The following TOP3B variants were observed in gnomAD, a reference collection of about 807,000 sequenced individuals.
TOP3B encodes the protein DNA topoisomerase III beta.
Under a neutral mutation model 93.9 loss-of-function variants are expected in TOP3B, and 45 were observed. The observed-to-expected ratio is 0.48, with a 90% CI of 0.38 to 0.61. TOP3B has a LOEUF of 0.61. TOP3B is among the 20% of genes least tolerant of loss of function. The pLI, the probability that TOP3B is intolerant of heterozygous loss-of-function variation, is 0.00. For synonymous variants in TOP3B, 357 were observed against 472.6 expected (o/e 0.76, Z 3.17); for missense variants, 750 against 1,156.1 (o/e 0.65, Z 5.09).
In TOP3B at chr22:21,970,667, C is replaced by T; in HGVS notation, c.385-261G>A. 2 of 523,300 alleles carry T rather than the reference C, an allele frequency of 3.8e-6. No individual in the cohort carries two copies. Among genetic ancestry groups the T allele is most frequent in the Middle Eastern group, 5.2e-4 (1 of 1,936 alleles). 32.4% of individuals were successfully genotyped at this position (523,300 alleles called of 1,614,324 possible). A position where few individuals can be genotyped will look rare whatever the true frequency, so the allele number is the denominator to read the frequency against. ...TCCCATCTAGAAACATACTCGAACA[C>T]TCCCTTCTTACTCCCGCCCTCTCTT... On this transcript the variant is annotated intron_variant, in intron 5 of 17. Transcript: ENST00000357179. The surrounding 1 kb of genome is among the most constrained non-coding windows in gnomAD (Gnocchi z 4.4).
At chr22:21,959,885 G>A (rs1350443002) in intron 14 of TOP3B, 149 bp from the exon 15 acceptor site, 9 of 1,080,038 alleles carry the variant, frequency 8.3e-6, no homozygotes, top group Middle Eastern at 3.1e-4. Flanking sequence ...CACAGCCTCA[G>A]ATGGTACCAG....
At chr22:21,978,250 G>T (rs757531363) in intron 1 of TOP3B, among the ~76,000 whole-genome samples, 2 of 151,978 alleles carry the variant, frequency 1.3e-5, no homozygotes, top group Admixed American at 1.3e-4. Flanking sequence ...GGGAGGGGGA[G>T]GGGAAGGTGA....
intron 12 of TOP3B, 58 bp from the exon 13 acceptor site, chr22:21,962,660 C>T (rs979331107): frequency 3.5e-5 from 56 of 1,605,842 alleles, no homozygotes; most frequent in Non-Finnish European, 3.5e-5. Flanking sequence ...GGGCCTCAGA[C>T]CCTGGGCCTC....
Position 21,970,296 on chromosome 22 carries a change from G to A in TOP3B, c.495C>T (p.Ala165=), listed in dbSNP as rs1478118951. The A allele has an allele frequency of 6.2e-7, 1 of 1,614,098 alleles. No homozygotes were observed. Among genetic ancestry groups the A allele is most frequent in the Non-Finnish European group, 8.5e-7 (1 of 1,180,012 alleles). The change falls in exon 6 of 18, where the codon GCC becomes GCT. Residue 165 remains alanine, a synonymous_variant. Transcript: ENST00000357179. The surrounding 1 kb of genome is among the most constrained non-coding windows in gnomAD (Gnocchi z 4.4). ...CGTTGTGGTCAGGCTCGCCTAGGCA[G>A]GCCATGGCATTACAGATGTCTGTGT... ...ITDTDICNAM[A]CLGEPDHNEA...
At position 21,974,376 on chromosome 22, in the gene TOP3B, C is replaced by A. The variant is rs774744043; in HGVS notation, c.183G>T (p.Val61=). ...GCTTACCCAGGAAATCCAGGGTCAT[C>A]ACGTGACCACAGACAGACGTCATCT... The part of the protein sequence containing the change: ...RFKMTSVCGH[V]MTLDFLGKYN... The change falls in exon 3 of 18, where the codon GTG becomes GTT. Residue 61 remains valine, a synonymous_variant. Transcript: ENST00000357179. The A allele has an allele frequency of 6.2e-7, 1 of 1,614,098 alleles. No homozygotes were observed. Among genetic ancestry groups the A allele is most frequent in the Non-Finnish European group, 8.5e-7 (1 of 1,179,976 alleles).
chr22:21,959,031 G>T, intron 16 of TOP3B, 101 bp downstream of exon 16: 2 of 1,509,204 alleles, frequency 1.3e-6, no homozygotes, highest in South Asian at 1.2e-5. Flanking sequence ...TCATTCTTTT[G>T]TGACAACCAG....
intron 2 of TOP3B, chr22:21,975,424 T>A: frequency 2.1e-6 from 1 of 484,402 alleles, no homozygotes; most frequent in South Asian, 3.7e-5. Context: ...AATTTCATTG[T>A]AAATTGTGCC....
At position 21,970,761 on chromosome 22, in the gene TOP3B, T is replaced by TC. The variant is rs2071605232; in HGVS notation, c.385-356dup. On this transcript the variant is annotated intron_variant, in intron 5 of 17. Transcript: ENST00000357179. This position sits in a 1 kb window ranked among gnomAD's most constrained non-coding sequence, Gnocchi z 4.4. ...GCCAAGTACATGAGGGACCTCTTAGTCCCCAAACCCATCCCATGTGACACG... is the reference window on the plus strand; with the variant it reads ...GCCAAGTACATGAGGGACCTCTTAGTCCCCCAAACCCATCCCATGTGACACG... 1 of 308,386 alleles carries TC rather than the reference T, an allele frequency of 3.2e-6. No homozygotes were observed. Among genetic ancestry groups the TC allele is most frequent in the Non-Finnish European group, 6.4e-6 (1 of 157,382 alleles). 19.1% of individuals were successfully genotyped at this position (308,386 alleles called of 1,614,324 possible).
In TOP3B at chr22:21,959,124, G is replaced by C. The variant is rs775578536; in HGVS notation, c.1905+8C>G. ...CAGCTTGCCTGAGCTAGTGTTCCCT[G>C]CACCTACCTGGATGTACTTCATGAA... is the stretch of plus-strand genomic sequence containing the variant. On this transcript the variant is annotated splice_region_variant and intron_variant, in intron 16 of 17. Transcript: ENST00000357179. 6.2e-7 allele frequency: 1 copy of C among 1,613,600 alleles called. No individual in the cohort carries two copies. Among genetic ancestry groups the C allele is most frequent in the South Asian group, 1.1e-5 (1 of 91,090 alleles).
chr22:21,958,771 A>G, intron 16 of TOP3B, 78 bp from the exon 17 acceptor site: 1 of 1,475,464 alleles, frequency 6.8e-7, no homozygotes, highest in Non-Finnish European at 9.0e-7. Context: ...CTCTCATAAT[A>G]CAAAGTATGT....
rs778456161 is a variant in TOP3B, at chr22:21,970,163, G to A, written c.581+47C>T. 34 of 1,585,034 alleles carry A rather than the reference G, an allele frequency of 2.1e-5. 1 individual carries two copies. Among genetic ancestry groups the A allele is most frequent in the Non-Finnish European group, 2.9e-5 (34 of 1,168,572 alleles). ...GACCAGTAGAGGCAGGTCTCTGGCTGAGGGAGAGTGAGGGTGTGCCCAGGA... is the reference window on the plus strand; with the variant it reads ...GACCAGTAGAGGCAGGTCTCTGGCTAAGGGAGAGTGAGGGTGTGCCCAGGA... On this transcript the variant is annotated intron_variant, in intron 6 of 17. Transcript: ENST00000357179. The surrounding 1 kb of genome is among the most constrained non-coding windows in gnomAD (Gnocchi z 4.4).
intron 1 of TOP3B, among the ~76,000 whole-genome samples, chr22:21,978,013 AG>A (rs1426926794): frequency 6.6e-6 from 1 of 151,574 alleles, no homozygotes; most frequent in Non-Finnish European, 1.5e-5. Context: ...ATGGCTGGGC[AG>A]GGGGGCTCAT....
chr22:21,981,871 A>C (rs1331977453), intron 1 of TOP3B, among the ~76,000 whole-genome samples: 1 of 152,112 alleles, frequency 6.6e-6, no homozygotes, highest in African/African-American at 2.4e-5. Flanking sequence ...ATAGCATTAA[A>C]ATTCCTAGGA....
At chr22:21,969,630 A>G (rs2071552386) in intron 6 of TOP3B, 1 of 150,996 alleles carries the variant, frequency 6.6e-6, no homozygotes, top group South Asian at 2.1e-4. Flanking sequence ...AAATAAATAA[A>G]TTTTTGTTTA....
chr22:21,958,875 C>A, intron 16 of TOP3B, 182 bp from the exon 17 acceptor site: 1 of 1,155,702 alleles, frequency 8.7e-7, no homozygotes, highest in Non-Finnish European at 1.2e-6. Flanking sequence ...GTTCTAAAAT[C>A]TCTGTGTGTA....
rs140022803 is a variant in TOP3B, at chr22:21,960,424, A to G, written c.1551T>C (p.His517=). 1.9e-6 allele frequency: 3 copies of G among 1,613,414 alleles called. No individual in the cohort carries two copies. The highest frequency in any genetic ancestry group is 2.5e-6 in the Non-Finnish European group (3 of 1,179,960). The stretch of plus-strand genomic sequence containing the variant: ...AGTTGCGCTGGCAGATGTTGTTGAT[A>G]TGCACAGGGATGCTGGCATCCGTGC... The part of the protein sequence containing the change: ...GIGTDASIPV[H]INNICQRNYV... The change falls in exon 14 of 18, where the codon CAT becomes CAC. Residue 517 remains histidine (H), a synonymous_variant. Coordinates refer to ENST00000357179, the MANE Select transcript of TOP3B (RefSeq NM_001282112.2).
chr22:21,981,862 T>C (rs147847075), intron 1 of TOP3B, among the ~76,000 whole-genome samples: 1 of 152,174 alleles, frequency 6.6e-6, no homozygotes, highest in African/African-American at 2.4e-5. Context: ...GTGGTCTGAA[T>C]AGCATTAAAA....
intron 15 of TOP3B, 52 bp from the exon 16 acceptor site, chr22:21,959,284 G>C: frequency 6.2e-7 from 1 of 1,603,318 alleles, no homozygotes; most frequent in East Asian, 2.2e-5. Flanking sequence ...CCCAGCAAAA[G>C]GCTCCGCAAC....
At chr22:21,973,048 T>C in intron 3 of TOP3B, 1 of 379,754 alleles carries the variant, frequency 2.6e-6, no homozygotes, top group Admixed American at 4.0e-5. Context: ...ATTCCTGGGC[T>C]GGGTCTCTTT....
Sources: allele counts gnomAD v4.1 joint callset (sites outside exome capture counted in the v4.1 genomes callset), GRCh38; gene constraint gnomAD v4.1.1; non-coding constraint Gnocchi (gnomAD v3.1); transcripts MANE v1.5; gene names NCBI Gene and HGNC (gene_info 2026-07-23, HGNC 2026-07-21).